Variants in DNAH14 observed in about 807,000 individuals in gnomAD.
The protein encoded by DNAH14 is axonemal beta dynein heavy chain 14.
Under a neutral mutation model 520.9 loss-of-function variants are expected in DNAH14, and 478 were observed. The ratio of observed to expected loss-of-function variants is 0.92; its 90% CI spans 0.85 to 0.99. The LOEUF (loss-of-function observed/expected upper bound fraction) is 0.99. Ranked by LOEUF, DNAH14 falls within the 50% of genes least tolerant of loss-of-function variation. DNAH14 has a pLI of 0.00. For synonymous variants in DNAH14, 1,581 were observed against 1,757.2 expected, an observed-to-expected ratio of 0.90 and a Z score of 2.51; for missense variants, 4,831 against 5,234.5, an observed-to-expected ratio of 0.92 and a Z score of 2.38.
chr1:225,317,605 A>G (rs536284775), intron 60 of DNAH14, among the ~76,000 whole-genome samples: 119 of 152,236 alleles, frequency 7.8e-4, no homozygotes, highest in African/African-American at 2.7e-3. Context: ...ATTTGATTTT[A>G]TACAACTCCC....
intron 10 of DNAH14, among the ~76,000 whole-genome samples, chr1:225,015,206 T>G (rs908079907): frequency 4.6e-5 from 7 of 152,202 alleles, no homozygotes; most frequent in African/African-American, 1.7e-4. Flanking sequence ...GGTAGGTTTC[T>G]TGTAGGCAGC....
At chr1:225,162,531 T>TA (rs1433945087) in intron 35 of DNAH14, among the ~76,000 whole-genome samples, 38 of 152,210 alleles carry the variant, frequency 2.5e-4, no homozygotes, top group African/African-American at 8.4e-4. Flanking sequence ...TTGTTTGTGA[T>TA]ACCATGTAAA....
intron 31 of DNAH14, among the ~76,000 whole-genome samples, chr1:225,148,556 C>T (rs533719871): frequency 3.3e-5 from 5 of 152,086 alleles, no homozygotes; most frequent in Non-Finnish European, 7.4e-5. Context: ...CATGTGCCAG[C>T]ATGCCCGGCT....
chr1:224,986,525 T>C (rs999648347), intron 8 of DNAH14, among the ~76,000 whole-genome samples: 17 of 147,534 alleles, frequency 1.2e-4, no homozygotes, highest in Non-Finnish European at 1.8e-4. Flanking sequence ...TTGATTGATA[T>C]GCAAAGCAAT....
chr1:225,048,592 G>A (rs868518359), intron 15 of DNAH14, among the ~76,000 whole-genome samples: 29 of 152,214 alleles, frequency 1.9e-4, no homozygotes, highest in African/African-American at 6.8e-4. Context: ...CTGTTTGGAT[G>A]TATCGCAGAT....
At chr1:225,051,337 A>G in intron 16 of DNAH14, 114 bp from the exon 17 acceptor site, 1 of 710,202 alleles carries the variant, frequency 1.4e-6, no homozygotes, top group South Asian at 3.8e-5. Flanking sequence ...GGTTCTTAAA[A>G]TAAACTCCAC....
At chr1:224,972,312 TA>T (rs1391356061) in intron 7 of DNAH14, among the ~76,000 whole-genome samples, 28 of 152,216 alleles carry the variant, frequency 1.8e-4, no homozygotes, top group African/African-American at 6.3e-4. Flanking sequence ...ATTTATTTAT[TA>T]TTTTTTTTGA....
intron 5 of DNAH14, among the ~76,000 whole-genome samples, chr1:224,965,539 C>T (rs970568538): frequency 2.6e-5 from 4 of 151,824 alleles, no homozygotes; most frequent in East Asian, 3.9e-4. Flanking sequence ...TGGATGTGAC[C>T]GTGTTCCAAT....
At chr1:225,001,565 A>T (rs1051588076) in intron 8 of DNAH14, among the ~76,000 whole-genome samples, 10 of 152,010 alleles carry the variant, frequency 6.6e-5, no homozygotes, top group Admixed American at 4.6e-4. Context: ...ACAGCTATAA[A>T]TTTTTTCATG....
In DNAH14 at chr1:225,358,629, C is replaced by T. The variant is rs771714664; in HGVS notation, c.11753C>T (p.Pro3918Leu). 38 of 1,547,780 alleles carry T rather than the reference C, an allele frequency of 2.5e-5. No homozygotes were observed. The South Asian group carries it at 2.5e-4, about 10-fold the overall frequency. Residue 3918 changes from proline to leucine, a missense_variant, in exon 74 of 86, where the codon CCG (proline) becomes CTG (leucine). Coordinates refer to ENST00000682510, the MANE Select transcript of DNAH14 (RefSeq NM_001367479.1). The stretch of plus-strand genomic sequence containing the variant: ...TATAAAGGATCCAATGCCAGAACTC[C>T]GCTGATACTTATTCAAACTCATGGT... ...DAYKGSNART[P>L]LILIQTHGID...
chr1:224,960,247 A>C lies in DNAH14; in HGVS notation c.312A>C (p.Gln104His), dbSNP rs2060760789. ...GGAAGTCAAGGAGAAAAAAGGATCA[A>C]ACTCATGCTTGTCCAAATGTTAGGA... ...EKGKSRRKKD[Q>H]THACPNVRKA... The change falls in exon 4 of 86, where the codon CAA becomes CAC. Residue 104 changes from glutamine to histidine, a missense_variant. Coordinates refer to ENST00000682510, the MANE Select transcript of DNAH14 (RefSeq NM_001367479.1). 1 of 1,611,824 alleles carries C rather than the reference A, an allele frequency of 6.2e-7. No individual in the cohort carries two copies. Among genetic ancestry groups the C allele is most frequent in the Non-Finnish European group, 8.5e-7 (1 of 1,178,920 alleles).
intron 31 of DNAH14, among the ~76,000 whole-genome samples, chr1:225,151,452 C>T (rs1370295274): frequency 1.3e-5 from 2 of 152,290 alleles, no homozygotes; most frequent in African/African-American, 4.8e-5. Flanking sequence ...CCTGTTTTCA[C>T]CACCCTCTTT....
At chr1:225,049,455 T>G (rs897104696) in intron 15 of DNAH14, among the ~76,000 whole-genome samples, 1 of 152,162 alleles carries the variant, frequency 6.6e-6, no homozygotes, top group Admixed American at 6.5e-5. Context: ...ATCATACATA[T>G]GACTTGCAAA....
rs77050298 is a variant in DNAH14, at chr1:225,354,694, T to G, written c.11619+806T>G. On this transcript the variant is annotated intron_variant, in intron 73 of 85. Transcript: ENST00000682510. ...TCATACTATATTATACTTTCCAGGCTAGATCATCCTAAATTCATCCTTATT... is the reference window on the plus strand; with the variant it reads ...TCATACTATATTATACTTTCCAGGCGAGATCATCCTAAATTCATCCTTATT... 7.3e-4 allele frequency among the ~76,000 whole-genome samples: 111 copies of G among 152,264 alleles called. 2 individuals are homozygous for G. In the East Asian group the frequency reaches 0.018, roughly 25 times the overall value.
At chr1:225,033,285 C>G (rs2066682166) in intron 11 of DNAH14, among the ~76,000 whole-genome samples, 1 of 152,092 alleles carries the variant, frequency 6.6e-6, no homozygotes, top group Non-Finnish European at 1.5e-5. Context: ...CAGCTTCAAT[C>G]TTCTGCATAT....
At chr1:225,388,566 T>C (rs2095867889) in intron 82 of DNAH14, 75 bp downstream of exon 82, 1 of 823,762 alleles carries the variant, frequency 1.2e-6, no homozygotes, top group East Asian at 2.7e-5. Flanking sequence ...TCATTTCCCA[T>C]GCTTGGTCTC....
intron 36 of DNAH14, among the ~76,000 whole-genome samples, chr1:225,168,421 C>T (rs563551403): frequency 5.9e-5 from 9 of 152,274 alleles, no homozygotes; most frequent in Admixed American, 3.9e-4. Flanking sequence ...GGGTGACAGA[C>T]GGCACCTGGA....
chr1:225,174,023 A>G (rs1171879363), intron 36 of DNAH14, among the ~76,000 whole-genome samples: 1 of 152,174 alleles, frequency 6.6e-6, no homozygotes, highest in Admixed American at 6.5e-5. Flanking sequence ...AAAAAACCAA[A>G]CACCGCATGT....
At chr1:225,056,929 T>C (rs1464140089) in intron 17 of DNAH14, among the ~76,000 whole-genome samples, 1 of 152,232 alleles carries the variant, frequency 6.6e-6, no homozygotes, top group Non-Finnish European at 1.5e-5. Context: ...TTTCGGTTAC[T>C]GTAGCCTTGT....
Sources: gnomAD v4.1 joint callset for allele counts (sites outside exome capture counted in the v4.1 genomes callset) on GRCh38, gnomAD v4.1.1 for gene constraint, MANE v1.5 for transcripts, NCBI Gene and HGNC (gene_info 2026-07-23, HGNC 2026-07-21) for gene names.